WNT1: variants seen among roughly 807,000 people sequenced by gnomAD.
WNT1 encodes Wnt family member 1.
In WNT1, 10 loss-of-function variants were observed where a neutral mutation model predicts 21.3. The ratio of observed to expected loss-of-function variants is 0.47; its 90% CI spans 0.29 to 0.80. The LOEUF (loss-of-function observed/expected upper bound fraction) is 0.80. WNT1 is among the 30% of genes least tolerant of loss of function. The probability of loss-of-function intolerance (pLI) is 0.09; values close to 1 mark genes in which losing one functional copy is unlikely to be tolerated. For missense variants in WNT1, 476 were observed against 534.1 expected (o/e 0.89, Z 1.07); for synonymous variants, 208 against 236.3 (o/e 0.88, Z 1.10).
At position 48,982,076 on chromosome 12, in the gene WNT1, T is replaced by G. The variant is rs1221553606; in HGVS notation, c.*436T>G. Among the ~76,000 whole-genome samples, 3 of 152,310 alleles carry G rather than the reference T, an allele frequency of 2.0e-5. No individual in the cohort carries two copies. In the East Asian group the frequency reaches 5.8e-4, roughly 29 times the overall value. Reference sequence around the variant, plus strand: ...CCTCCTAAGTCCCTTCCTATTCTCCTGCCATGGGTGCAGACCCTGAACCCA... The same window carrying G: ...CCTCCTAAGTCCCTTCCTATTCTCCGGCCATGGGTGCAGACCCTGAACCCA... On this transcript the variant is annotated 3_prime_UTR_variant, in exon 4 of 4. Coordinates refer to ENST00000293549, the MANE Select transcript of WNT1 (RefSeq NM_005430.4).
chr12:48,980,563 C>A lies in WNT1; in HGVS notation c.498C>A (p.His166Gln). The A allele has an allele frequency of 6.2e-7, 1 of 1,610,388 alleles. No individual in the cohort carries two copies. The change falls in exon 3 of 4, where the codon CAC (histidine) becomes CAA (glutamine). Residue 166 changes from histidine (H) to glutamine (Q), a missense_variant. Coordinates refer to ENST00000293549, the MANE Select transcript of WNT1 (RefSeq NM_005430.4). The surrounding 1 kb of genome is among the most constrained non-coding windows in gnomAD (Gnocchi z 7.0). ...RRRGPGGPDW[H>Q]WGGCSDNIDF... ...GCGGCCCCGGGGGCCCCGACTGGCA[C>A]TGGGGGGGCTGCAGCGACAACATTG... is the stretch of plus-strand genomic sequence containing the variant.
In WNT1 at chr12:48,979,834, A is replaced by G. The variant is rs975449880; in HGVS notation, c.358+113A>G. The G allele has an allele frequency of 1.8e-5, 25 of 1,403,632 alleles. No homozygotes were observed. The African/African-American group carries it at 2.6e-4, about 15-fold the overall frequency. The allele number at this position is 1,403,632 out of a possible 1,614,324, so 86.9% of individuals were successfully genotyped here. On this transcript the variant is annotated intron_variant, in intron 2 of 3. Transcript: ENST00000293549. The surrounding 1 kb of genome is among the most constrained non-coding windows in gnomAD (Gnocchi z 6.0). ...TCCCAGGCGCCTGGAGGGTCACACA[A>G]TCAACCTTGCCAAGTGCCTCGTGCC...
At position 48,979,556 on chromosome 12, in the gene WNT1, A is replaced by G; in HGVS notation, c.193A>G (p.Ser65Gly). Residue 65 changes from serine to glycine, a missense_variant, in exon 2 of 4, where the codon AGC (serine) becomes GGC (glycine). Ser to Gly is a moderately conservative substitution (Grantham distance 56). Coordinates refer to ENST00000293549, the MANE Select transcript of WNT1 (RefSeq NM_005430.4). This position sits in a 1 kb window ranked among gnomAD's most constrained non-coding sequence, Gnocchi z 6.0. ...ACTCGAGCCCAGTCTGCAGCTGTTGAGCCGCAAACAGCGGCGTCTGATACG... is the reference window on the plus strand; with the variant it reads ...ACTCGAGCCCAGTCTGCAGCTGTTGGGCCGCAAACAGCGGCGTCTGATACG... ...LVLEPSLQLL[S>G]RKQRRLIRQN... is the part of the protein sequence containing the mutation. 1 of 1,614,116 alleles carries G rather than the reference A, an allele frequency of 6.2e-7. No homozygotes were observed. The highest frequency in any genetic ancestry group is 8.5e-7 in the Non-Finnish European group (1 of 1,180,052).
Position 48,980,225 on chromosome 12 carries a change from A to G in WNT1, c.359-199A>G, listed in dbSNP as rs1248524403. On this transcript the variant is annotated intron_variant, in intron 2 of 3. Coordinates refer to ENST00000293549, the MANE Select transcript of WNT1 (RefSeq NM_005430.4). This position sits in a 1 kb window ranked among gnomAD's most constrained non-coding sequence, Gnocchi z 7.0. ...TAGAATCTCCCAGTAAGGTGTGATTACGCCCGTGGACGTGGCTGCGTGCCC... is the reference window on the plus strand; with the variant it reads ...TAGAATCTCCCAGTAAGGTGTGATTGCGCCCGTGGACGTGGCTGCGTGCCC... Among the ~76,000 whole-genome samples the G allele has an allele frequency of 6.6e-6, 1 of 152,224 alleles. No individual in the cohort carries two copies. The highest frequency in any genetic ancestry group is 1.9e-4 in the East Asian group (1 of 5,190).
At position 48,979,019 on chromosome 12, in the gene WNT1, C is replaced by T. The variant is rs779727460; in HGVS notation, c.104+265C>T. Among the ~76,000 whole-genome samples, 1 of 152,248 alleles carries T rather than the reference C, an allele frequency of 6.6e-6. No homozygotes were observed. The highest frequency in any genetic ancestry group is 2.4e-5 in the African/African-American group (1 of 41,468). On this transcript the variant is annotated intron_variant, in intron 1 of 3. Coordinates refer to ENST00000293549, the MANE Select transcript of WNT1 (RefSeq NM_005430.4). The surrounding 1 kb of genome is among the most constrained non-coding windows in gnomAD (Gnocchi z 6.0). ...TCTAGCACCGCCCTTCCCCTTTGAG[C>T]GCCAACTCCAGCCTCACGGCGGTGG...
rs552259138 is a variant in WNT1 at position 48,979,864 on chromosome 12, G to A, written c.358+143G>A. The A allele has an allele frequency of 4.1e-4, 516 of 1,255,054 alleles. No individual in the cohort carries two copies. Among genetic ancestry groups the A allele is most frequent in the Non-Finnish European group, 5.2e-4 (491 of 941,082 alleles). 77.7% of individuals were successfully genotyped at this position (1,255,054 alleles called of 1,614,324 possible). A position where few individuals can be genotyped will look rare whatever the true frequency, so the allele number is the denominator to read the frequency against. On this transcript the variant is annotated intron_variant, in intron 2 of 3. Coordinates refer to ENST00000293549, the MANE Select transcript of WNT1 (RefSeq NM_005430.4). The surrounding 1 kb of genome is among the most constrained non-coding windows in gnomAD (Gnocchi z 6.0). Reference sequence around the variant, plus strand: ...CCTTGCCAAGTGCCTCGTGCCCAGCGCCAGCTCGGGGCCAGACTTCTACCA... The same window carrying A: ...CCTTGCCAAGTGCCTCGTGCCCAGCACCAGCTCGGGGCCAGACTTCTACCA...
chr12:48,981,827 G>C lies in WNT1; in HGVS notation c.*187G>C, dbSNP rs1177407297. Among the ~76,000 whole-genome samples the C allele has an allele frequency of 6.6e-6, 1 of 152,154 alleles. No individual in the cohort carries two copies. Among genetic ancestry groups the C allele is most frequent in the Non-Finnish European group, 1.5e-5 (1 of 68,030 alleles). On this transcript the variant is annotated 3_prime_UTR_variant, in exon 4 of 4. Transcript: ENST00000293549. The surrounding 1 kb of genome is among the most constrained non-coding windows in gnomAD (Gnocchi z 7.4). ...CTCCTCAAACCACTTGCCTGGGGCG[G>C]CATGAACCCTCTTGCCATCCTGATG... is the stretch of plus-strand genomic sequence containing the variant.
Position 48,980,771 on chromosome 12 carries a change from G to A in WNT1, c.624+82G>A, listed in dbSNP as rs1437695825. The stretch of plus-strand genomic sequence containing the variant: ...GGGGAAGTGACGGTCGGTGAGATAA[G>A]GCAAGGGGCACCAGGAGAGGGCGTC... On this transcript the variant is annotated intron_variant, in intron 3 of 3. Coordinates refer to ENST00000293549, the MANE Select transcript of WNT1 (RefSeq NM_005430.4). This position sits in a 1 kb window ranked among gnomAD's most constrained non-coding sequence, Gnocchi z 7.0. 3 of 1,462,208 alleles carry A rather than the reference G, an allele frequency of 2.1e-6. No individual in the cohort carries two copies. The highest frequency in any genetic ancestry group is 2.7e-6 in the Non-Finnish European group (3 of 1,106,636). 90.6% of individuals were successfully genotyped at this position (1,462,208 alleles called of 1,614,324 possible).
chr12:48,980,430 G>A lies in WNT1; in HGVS notation c.365G>A (p.Arg122Gln), dbSNP rs112258262. Residue 122 changes from arginine to glutamine, a missense_variant, in exon 3 of 4, where the codon CGA (arginine) becomes CAA (glutamine). By Grantham distance (43) the Arg-to-Gln change is conservative. Transcript: ENST00000293549. The surrounding 1 kb of genome is among the most constrained non-coding windows in gnomAD (Gnocchi z 7.0). ...LFGKIVNRGC[R>Q]ETAFIFAITS... is the part of the protein sequence containing the mutation. ...CCGCTCCCTTCTCCCACAGGCTGTC[G>A]AGAAACGGCGTTTATCTTCGCTATC... 5.0e-6 allele frequency: 8 copies of A among 1,614,058 alleles called. No homozygotes were observed. Among genetic ancestry groups the A allele is most frequent in the South Asian group, 1.1e-5 (1 of 91,080 alleles).
Position 48,981,454 on chromosome 12 carries a change from C to T in WNT1, c.927C>T (p.Gly309=). ...ACAGCGGACGCCTGGGCACAGCAGG[C>T]ACGGCAGGGCGCGCCTGTAACAGCT... ...CTYSGRLGTA[G]TAGRACNSSS... The change falls in exon 4 of 4, where the codon GGC becomes GGT. Residue 309 remains glycine (G), a synonymous_variant. Transcript: ENST00000293549. This position sits in a 1 kb window ranked among gnomAD's most constrained non-coding sequence, Gnocchi z 7.4. 1 of 1,561,844 alleles carries T rather than the reference C, an allele frequency of 6.4e-7. No individual in the cohort carries two copies. Among genetic ancestry groups the T allele is most frequent in the South Asian group, 1.2e-5 (1 of 85,158 alleles).
In WNT1 at chr12:48,981,521, A is replaced by C. The variant is rs761901163; in HGVS notation, c.994A>C (p.Arg332=). The C allele has an allele frequency of 2.6e-6, 4 of 1,546,616 alleles. No homozygotes were observed. In the African/African-American group the frequency reaches 5.5e-5, roughly 21 times the overall value. ...LDGCELLCCG[R]GHRTRTQRVT... Reference sequence around the variant, plus strand: ...CGGCTGCGAGCTGCTCTGCTGCGGCAGGGGCCACCGCACGCGCACGCAGCG... The same window carrying C: ...CGGCTGCGAGCTGCTCTGCTGCGGCCGGGGCCACCGCACGCGCACGCAGCG... The change falls in exon 4 of 4, where the codon AGG becomes CGG. Residue 332 remains arginine, a synonymous_variant. Transcript: ENST00000293549. This position sits in a 1 kb window ranked among gnomAD's most constrained non-coding sequence, Gnocchi z 7.4.
At position 48,978,706 on chromosome 12, in the gene WNT1, T is replaced by C. The variant is rs1365297381; in HGVS notation, c.56T>C (p.Leu19Pro). Residue 19 changes from leucine to proline, a missense_variant, in exon 1 of 4, where the codon CTG becomes CCG. By Grantham distance (98) the Leu-to-Pro change is moderately conservative. Coordinates refer to ENST00000293549, the MANE Select transcript of WNT1 (RefSeq NM_005430.4). This position sits in a 1 kb window ranked among gnomAD's most constrained non-coding sequence, Gnocchi z 7.4. ...GTTTCTGCTACGCTGCTGCTGGCGCTGGCCGCTCTGCCCGCAGCCCTGGCT... is the reference window on the plus strand; with the variant it reads ...GTTTCTGCTACGCTGCTGCTGGCGCCGGCCGCTCTGCCCGCAGCCCTGGCT... ...GWVSATLLLA[L>P]AALPAALAAN... The C allele has an allele frequency of 1.9e-6, 3 of 1,604,294 alleles. No individual in the cohort carries two copies. Among genetic ancestry groups the C allele is most frequent in the Non-Finnish European group, 2.5e-6 (3 of 1,178,816 alleles).
Position 48,980,590 on chromosome 12 carries a change from C to T in WNT1, c.525C>T (p.Asp175=). The T allele has an allele frequency of 6.2e-7, 1 of 1,603,812 alleles. No individual in the cohort carries two copies. Among genetic ancestry groups the T allele is most frequent in the Non-Finnish European group, 8.5e-7 (1 of 1,175,250 alleles). The change falls in exon 3 of 4, where the codon GAC becomes GAT. Residue 175 remains aspartate, a synonymous_variant. Transcript: ENST00000293549. The surrounding 1 kb of genome is among the most constrained non-coding windows in gnomAD (Gnocchi z 7.0). ...GGGGGGGCTGCAGCGACAACATTGACTTCGGCCGCCTCTTCGGCCGGGAGT... is the reference window on the plus strand; with the variant it reads ...GGGGGGGCTGCAGCGACAACATTGATTTCGGCCGCCTCTTCGGCCGGGAGT... The part of the protein sequence containing the change: ...WHWGGCSDNI[D]FGRLFGREFV...
chr12:48,980,405 C>T lies in WNT1; in HGVS notation c.359-19C>T. The T allele has an allele frequency of 6.2e-7, 1 of 1,614,114 alleles. No homozygotes were observed. The highest frequency in any genetic ancestry group is 8.5e-7 in the Non-Finnish European group (1 of 1,180,024). On this transcript the variant is annotated intron_variant, in intron 2 of 3. Transcript: ENST00000293549. The surrounding 1 kb of genome is among the most constrained non-coding windows in gnomAD (Gnocchi z 7.0). Reference sequence around the variant, plus strand: ...GCCCCGCGTACCCCCTCGCTGATCCCCGCTCCCTTCTCCCACAGGCTGTCG... The same window carrying T: ...GCCCCGCGTACCCCCTCGCTGATCCTCGCTCCCTTCTCCCACAGGCTGTCG...
rs1940963659 is a variant in WNT1, at chr12:48,978,434, AGCGCC to A, written c.-214_-210del. On this transcript the variant is annotated 5_prime_UTR_variant, in exon 1 of 4. Transcript: ENST00000293549. The surrounding 1 kb of genome is among the most constrained non-coding windows in gnomAD (Gnocchi z 7.4). ...GCAGCCTCCTCCCGTCACTTCAGCC[AGCGCC>A]GCAACTATAAGAGGCGGTGCCGCCC... The A allele has an allele frequency of 5.2e-6, 3 of 575,160 alleles. No homozygotes were observed. Among genetic ancestry groups the A allele is most frequent in the Non-Finnish European group, 9.2e-6 (3 of 324,922 alleles). The allele number at this position is 575,160 out of a possible 1,614,324, so 35.6% of individuals were successfully genotyped here.
In WNT1 at chr12:48,979,563, A is replaced by T; in HGVS notation, c.200A>T (p.Lys67Ile). The change falls in exon 2 of 4, where the codon AAA (lysine) becomes ATA (isoleucine). Residue 67 changes from lysine to isoleucine, a missense_variant. Transcript: ENST00000293549. This position sits in a 1 kb window ranked among gnomAD's most constrained non-coding sequence, Gnocchi z 6.0. The stretch of plus-strand genomic sequence containing the variant: ...CCCAGTCTGCAGCTGTTGAGCCGCA[A>T]ACAGCGGCGTCTGATACGCCAAAAT... ...LEPSLQLLSR[K>I]QRRLIRQNPG... 6.2e-7 allele frequency: 1 copy of T among 1,614,118 alleles called. No homozygotes were observed. The highest frequency in any genetic ancestry group is 1.6e-4 in the Middle Eastern group (1 of 6,062).
Position 48,978,795 on chromosome 12 carries a change from C to A in WNT1, c.104+41C>A. The stretch of plus-strand genomic sequence containing the variant: ...CGGGGTCGCCACTTGTCCCGCGGCA[C>A]AGAGCCAGGGGCCAACCCTACCCAG... On this transcript the variant is annotated intron_variant, in intron 1 of 3. Coordinates refer to ENST00000293549, the MANE Select transcript of WNT1 (RefSeq NM_005430.4). This position sits in a 1 kb window ranked among gnomAD's most constrained non-coding sequence, Gnocchi z 7.4. 7.0e-7 allele frequency: 1 copy of A among 1,436,936 alleles called. No individual in the cohort carries two copies. Among genetic ancestry groups the A allele is most frequent in the Non-Finnish European group, 9.5e-7 (1 of 1,051,088 alleles). The allele number at this position is 1,436,936 out of a possible 1,614,324, so 89.0% of individuals were successfully genotyped here.
rs961019653 is a variant in WNT1, at chr12:48,980,928, G to A, written c.625-224G>A. 2.0e-5 allele frequency among the ~76,000 whole-genome samples: 3 copies of A among 152,302 alleles called. No homozygotes were observed. Among genetic ancestry groups the A allele is most frequent in the Admixed American group, 6.5e-5 (1 of 15,304 alleles). On this transcript the variant is annotated intron_variant, in intron 3 of 3. Coordinates refer to ENST00000293549, the MANE Select transcript of WNT1 (RefSeq NM_005430.4). The surrounding 1 kb of genome is among the most constrained non-coding windows in gnomAD (Gnocchi z 7.0). Reference sequence around the variant, plus strand: ...CACAGTCTCTTCGCTGTACAGATTCGAAAAATAAGCCTGAGAGGCCGAGAC... The same window carrying A: ...CACAGTCTCTTCGCTGTACAGATTCAAAAAATAAGCCTGAGAGGCCGAGAC...
chr12:48,981,542 C>G lies in WNT1; in HGVS notation c.1015C>G (p.Gln339Glu). The change falls in exon 4 of 4, where the codon CAG becomes GAG. Residue 339 changes from glutamine to glutamate, a missense_variant. Physicochemically the swap from Gln to Glu is conservative, Grantham distance 29 (BLOSUM62 2). Coordinates refer to ENST00000293549, the MANE Select transcript of WNT1 (RefSeq NM_005430.4). The surrounding 1 kb of genome is among the most constrained non-coding windows in gnomAD (Gnocchi z 7.4). ...CGGCAGGGGCCACCGCACGCGCACGCAGCGCGTCACCGAGCGCTGCAACTG... is the reference window on the plus strand; with the variant it reads ...CGGCAGGGGCCACCGCACGCGCACGGAGCGCGTCACCGAGCGCTGCAACTG... ...CCGRGHRTRT[Q>E]RVTERCNCTF... The G allele has an allele frequency of 6.5e-7, 1 of 1,538,916 alleles. No individual in the cohort carries two copies. The highest frequency in any genetic ancestry group is 8.7e-7 in the Non-Finnish European group (1 of 1,143,042).
Sources: gnomAD v4.1 joint callset for allele counts (sites outside exome capture counted in the v4.1 genomes callset) on GRCh38, gnomAD v4.1.1 for gene constraint, Gnocchi (gnomAD v3.1) non-coding constraint, MANE v1.5 for transcripts, NCBI Gene and HGNC (gene_info 2026-07-23, HGNC 2026-07-21) for gene names.